PHAF1: variants seen among roughly 807,000 people sequenced by gnomAD.
PHAF1 encodes the protein phagophore assembly factor 1, also known as phagosome assembly factor 1.
PHAF1 carries 23 observed loss-of-function variants against 63.1 expected under a neutral mutation model. That is an observed-to-expected ratio of 0.36 (90% confidence interval 0.26 to 0.52). PHAF1 has a LOEUF of 0.52. Among genes scored for constraint, PHAF1 ranks in the 20% least tolerant of loss-of-function variants. The probability of loss-of-function intolerance (pLI) is 0.93; values close to 1 mark genes in which losing one functional copy is unlikely to be tolerated. For missense variants in PHAF1, 427 were observed against 517.2 expected (o/e 0.83, Z 1.69); for synonymous variants, 167 against 185.0 (o/e 0.90, Z 0.79).
At chr16:67,128,505 A>G (rs886456958) in intron 3 of PHAF1, among the ~76,000 whole-genome samples, 2 of 152,106 alleles carry the variant, frequency 1.3e-5, no homozygotes, top group African/African-American at 4.8e-5. Context: ...GCTGCCTCCT[A>G]TAGTTGCTTC....
chr16:67,146,179 A>C, intron 14 of PHAF1, 99 bp from the exon 15 acceptor site: 1 of 1,050,732 alleles, frequency 9.5e-7, no homozygotes, highest in Non-Finnish European at 1.5e-6. Context: ...GCCATGAGAG[A>C]CTACTGGCCA....
chr16:67,113,823 A>C (rs992731914), intron 1 of PHAF1, among the ~76,000 whole-genome samples: 2 of 148,816 alleles, frequency 1.3e-5, no homozygotes, highest in Non-Finnish European at 3.0e-5. Flanking sequence ...ATCTTGGCTC[A>C]CTGCAACTTC....
At chr16:67,143,752 TGGATAGTACA>T (rs996288201) in intron 10 of PHAF1, among the ~76,000 whole-genome samples, 36 of 152,014 alleles carry the variant, frequency 2.4e-4, no homozygotes, top group African/African-American at 8.7e-4. Flanking sequence ...AGAGCTAAAA[TGGATAGTACA>T]GTGTGTTGAG....
intron 1 of PHAF1, among the ~76,000 whole-genome samples, chr16:67,113,445 C>G (rs1200456216): frequency 1.3e-5 from 2 of 149,464 alleles, no homozygotes; most frequent in East Asian, 3.9e-4. Flanking sequence ...TTCTTTTTTT[C>G]TTTTTCTTTT....
intron 8 of PHAF1, among the ~76,000 whole-genome samples, chr16:67,138,947 C>G (rs1963702500): frequency 2.6e-5 from 4 of 152,114 alleles, no homozygotes; most frequent in Admixed American, 2.6e-4. Context: ...AAGACAGTGT[C>G]TCACTCTGTC....
At position 67,132,955 on chromosome 16, in the gene PHAF1, G is replaced by A. The variant is rs776624021; in HGVS notation, c.450+44G>A. ...CTGGTGTTTGTTGTATGTGTCTGTG[G>A]TATGGCTCAGCAGATGGTGTCATGG... On this transcript the variant is annotated intron_variant, in intron 6 of 15. Transcript: ENST00000219139. The A allele has an allele frequency of 8.2e-6, 12 of 1,460,062 alleles. No homozygotes were observed. The South Asian group carries it at 1.3e-4, about 16-fold the overall frequency. The allele number at this position is 1,460,062 out of a possible 1,614,324, so 90.4% of individuals were successfully genotyped here.
At position 67,140,629 on chromosome 16, in the gene PHAF1, C is replaced by G. The variant is rs754734370; in HGVS notation, c.879+35C>G. The G allele has an allele frequency of 2.8e-6, 4 of 1,446,602 alleles. No homozygotes were observed. In the African/African-American group the frequency reaches 5.6e-5, roughly 20 times the overall value. The allele number at this position is 1,446,602 out of a possible 1,614,324, so 89.6% of individuals were successfully genotyped here. ...GATTCCTCAGAGAAGCCCTTCATTT[C>G]TATTGGGGTGGGCAGTGCATCTTTG... On this transcript the variant is annotated intron_variant, in intron 10 of 15. Coordinates refer to ENST00000219139, the MANE Select transcript of PHAF1 (RefSeq NM_025187.5).
At chr16:67,147,016 C>T in intron 15 of PHAF1, 29 bp from the exon 16 acceptor site, 9 of 1,581,946 alleles carry the variant, frequency 5.7e-6, no homozygotes, top group Non-Finnish European at 7.8e-6. Context: ...ACCTCTCCCC[C>T]TTGACCCACT....
At chr16:67,134,994 T>C (rs1963557885) in intron 8 of PHAF1, 1 of 291,018 alleles carries the variant, frequency 3.4e-6, no homozygotes, top group Non-Finnish European at 6.8e-6. Flanking sequence ...GACATAGTCT[T>C]ATAATTAGCA....
At chr16:67,144,423 C>T in intron 11 of PHAF1, 47 bp downstream of exon 11, 1 of 1,392,306 alleles carries the variant, frequency 7.2e-7, no homozygotes, top group Non-Finnish European at 1.0e-6. Flanking sequence ...GAGTTTTGGG[C>T]TGAAAACCCC....
chr16:67,148,151 T>C lies in PHAF1; in HGVS notation c.*1020T>C, dbSNP rs1359883213. On this transcript the variant is annotated 3_prime_UTR_variant, in exon 16 of 16. Coordinates refer to ENST00000219139, the MANE Select transcript of PHAF1 (RefSeq NM_025187.5). The stretch of plus-strand genomic sequence containing the variant: ...TTTTGGTCTAGCAACTTGTGATACA[T>C]AGATGACAATTTTGTGAGTTTTTCA... 1 of 152,718 alleles carries C rather than the reference T, an allele frequency of 6.5e-6. No homozygotes were observed. The highest frequency in any genetic ancestry group is 1.5e-5 in the Non-Finnish European group (1 of 68,050). The allele number at this position is 152,718 out of a possible 1,614,324, so 9.5% of individuals were successfully genotyped here.
intron 10 of PHAF1, among the ~76,000 whole-genome samples, chr16:67,142,863 A>G (rs1279350847): frequency 6.6e-6 from 1 of 152,188 alleles, no homozygotes; most frequent in Non-Finnish European, 1.5e-5. Context: ...GGTCCCGGCC[A>G]CACTTCCTCT....
At chr16:67,126,179 T>C in intron 3 of PHAF1, 137 bp downstream of exon 3, 1 of 657,118 alleles carries the variant, frequency 1.5e-6, no homozygotes, top group Admixed American at 2.6e-5. Context: ...CACTACAATG[T>C]AGGGAACTGA....
intron 2 of PHAF1, among the ~76,000 whole-genome samples, chr16:67,122,515 G>A (rs1963023609): frequency 6.7e-6 from 1 of 149,324 alleles, no homozygotes; most frequent in African/African-American, 2.5e-5. Flanking sequence ...CATGAGCAGT[G>A]AGGTATGATT....
At chr16:67,127,204 G>A (rs1460862001) in intron 3 of PHAF1, among the ~76,000 whole-genome samples, 1 of 152,100 alleles carries the variant, frequency 6.6e-6, no homozygotes, top group Non-Finnish European at 1.5e-5. Flanking sequence ...ACAAATGCCT[G>A]GGCCTCACAG....
At chr16:67,118,758 A>G (rs1292297116) in intron 1 of PHAF1, among the ~76,000 whole-genome samples, 1 of 141,962 alleles carries the variant, frequency 7.0e-6, no homozygotes, top group Non-Finnish European at 1.5e-5. Context: ...TGGATGAGTG[A>G]TCTTAAACTT....
chr16:67,111,805 G>C (rs1023964820), intron 1 of PHAF1, among the ~76,000 whole-genome samples: 1 of 152,128 alleles, frequency 6.6e-6, no homozygotes, highest in Non-Finnish European at 1.5e-5. Context: ...TGTATTTTTA[G>C]TAGAGATTGG....
intron 1 of PHAF1, among the ~76,000 whole-genome samples, chr16:67,114,989 CAG>C (rs1179198928): frequency 2.0e-5 from 3 of 152,132 alleles, no homozygotes; most frequent in Non-Finnish European, 4.4e-5. Context: ...AGATATGAGT[CAG>C]AAACTGGGTG....
At chr16:67,116,033 A>G (rs375874005) in intron 1 of PHAF1, among the ~76,000 whole-genome samples, 4 of 152,176 alleles carry the variant, frequency 2.6e-5, no homozygotes, top group Non-Finnish European at 4.4e-5. Flanking sequence ...TGGATCAGAG[A>G]AGCCATGCGG....
Sources: gnomAD v4.1 joint callset for allele counts (sites outside exome capture counted in the v4.1 genomes callset) on GRCh38, gnomAD v4.1.1 for gene constraint, MANE v1.5 for transcripts, NCBI Gene and HGNC (gene_info 2026-07-23, HGNC 2026-07-21) for gene names.